AKAP7: variants seen among roughly 807,000 people sequenced by gnomAD.
The protein encoded by AKAP7 is A-kinase anchoring protein 7.
A neutral mutation model predicts 39.5 loss-of-function variants in AKAP7; 39 were observed. The ratio of observed to expected loss-of-function variants is 0.99; its 90% CI spans 0.76 to 1.29. The LOEUF (loss-of-function observed/expected upper bound fraction) is 1.29, where lower values mean the gene tolerates loss of function less well. Ranked by LOEUF, AKAP7 falls within the 50% of genes most tolerant of loss-of-function variation. The pLI, the probability that AKAP7 is intolerant of heterozygous loss-of-function variation, is 0.00. For synonymous variants in AKAP7, 140 were observed against 139.1 expected, an observed-to-expected ratio of 1.01 and a Z score of -0.05; for missense variants, 414 against 407.7, an observed-to-expected ratio of 1.02 and a Z score of -0.13.
intron 7 of AKAP7, among the ~76,000 whole-genome samples, chr6:131,264,574 A>AAAT (rs1813626636): frequency 6.7e-6 from 1 of 150,356 alleles, no homozygotes; most frequent in African/African-American, 2.5e-5. Context: ...GGAAGATCAT[A>AAAT]AATAAATAGC....
intron 7 of AKAP7, among the ~76,000 whole-genome samples, chr6:131,220,172 T>A (rs372224831): frequency 1.3e-5 from 2 of 152,214 alleles, no homozygotes; most frequent in Non-Finnish European, 2.9e-5. Context: ...TATTTGCTGC[T>A]TGTAATTACG....
intron 1 of AKAP7, among the ~76,000 whole-genome samples, chr6:131,138,332 A>G (rs1336552775): frequency 1.3e-5 from 2 of 152,210 alleles, no homozygotes; most frequent in South Asian, 2.1e-4. Flanking sequence ...TCCATTGTAT[A>G]TATGTACCAT....
At chr6:131,270,726 A>G (rs1284360556) in intron 7 of AKAP7, among the ~76,000 whole-genome samples, 1 of 152,184 alleles carries the variant, frequency 6.6e-6, no homozygotes, top group African/African-American at 2.4e-5. Context: ...CATCCTCACC[A>G]ACACTTAGTA....
At chr6:131,238,135 CT>C (rs1178889957) in intron 7 of AKAP7, among the ~76,000 whole-genome samples, 6 of 152,082 alleles carry the variant, frequency 3.9e-5, no homozygotes, top group African/African-American at 1.4e-4. Flanking sequence ...CAAAGAACAT[CT>C]TTATTTCTGC....
chr6:131,171,880 G>A lies in AKAP7; in HGVS notation c.589+2607G>A, dbSNP rs1161425162. Reference sequence around the variant, plus strand: ...CATTATTGGACGTACATTAGAAAAGGCAGTGAAGTCTGGATGGGACTAATA... The same window carrying A: ...CATTATTGGACGTACATTAGAAAAGACAGTGAAGTCTGGATGGGACTAATA... On this transcript the variant is annotated intron_variant, in intron 5 of 7. Transcript: ENST00000431975. 3.3e-5 allele frequency among the ~76,000 whole-genome samples: 5 copies of A among 152,184 alleles called. No individual in the cohort carries two copies. In the East Asian group the frequency reaches 7.7e-4, roughly 23 times the overall value.
the AKAP7 span, among the ~76,000 whole-genome samples, chr6:131,129,284 CAA>C: frequency 3.8e-5 from 5 of 130,922 alleles, no homozygotes; most frequent in Non-Finnish European, 3.2e-5. Flanking sequence ...AAGACTCTGT[CAA>C]AAAAAAAAAA....
At chr6:131,146,346 G>A (rs919742936) in intron 2 of AKAP7, among the ~76,000 whole-genome samples, 7 of 152,166 alleles carry the variant, frequency 4.6e-5, no homozygotes, top group African/African-American at 1.7e-4. Flanking sequence ...GGTGGCTCAT[G>A]CCTGTGTTCT....
chr6:131,130,534 T>G (rs613606), upstream of AKAP7, among the ~76,000 whole-genome samples: 140,954 of 152,290 alleles, frequency 0.93, 65,383 homozygotes, highest in East Asian at 0.99. Flanking sequence ...GACCTCAGGT[T>G]GTCCACCCGC....
In AKAP7 at chr6:131,218,575, T is replaced by TA. The variant is rs35708949; in HGVS notation, c.703-1085dup. Among the ~76,000 whole-genome samples the TA allele has an allele frequency of 7.4e-3, 1,121 of 152,284 alleles. 11 individuals carry two copies. The highest frequency in any genetic ancestry group is 0.026 in the African/African-American group (1,079 of 41,550). Reference sequence around the variant, plus strand: ...AGTTTTTGTCATTGAAAAGAGAAAATATATATTCTAGTTACTTTAATCTTA... The same window carrying TA: ...AGTTTTTGTCATTGAAAAGAGAAAATAATATATTCTAGTTACTTTAATCTTA... On this transcript the variant is annotated intron_variant, in intron 6 of 7. Coordinates refer to ENST00000431975, the MANE Select transcript of AKAP7 (RefSeq NM_016377.4).
chr6:131,180,864 G>A (rs1215479370), intron 5 of AKAP7, among the ~76,000 whole-genome samples: 1 of 142,104 alleles, frequency 7.0e-6, no homozygotes, highest in Admixed American at 7.1e-5. Flanking sequence ...TTCTCTCAAT[G>A]TATCTTCTCA....
upstream of AKAP7, among the ~76,000 whole-genome samples, chr6:131,134,054 C>T (rs1483118368): frequency 2.0e-5 from 3 of 152,174 alleles, no homozygotes; most frequent in African/African-American, 7.2e-5. Flanking sequence ...TCACTGCAAC[C>T]TCCACCTCCT....
chr6:131,184,326 C>T, intron 5 of AKAP7: 1 of 631,396 alleles, frequency 1.6e-6, no homozygotes, highest in Non-Finnish European at 3.1e-6. Flanking sequence ...GTGGCTATAT[C>T]AAGAGGAGTT....
At chr6:131,259,236 T>C (rs1249607609) in intron 7 of AKAP7, among the ~76,000 whole-genome samples, 1 of 152,176 alleles carries the variant, frequency 6.6e-6, no homozygotes, top group Non-Finnish European at 1.5e-5. Flanking sequence ...CAGGATTTGA[T>C]TGATAGCTGA....
At chr6:131,147,395 C>T (rs534852648) in intron 2 of AKAP7, among the ~76,000 whole-genome samples, 1 of 152,296 alleles carries the variant, frequency 6.6e-6, no homozygotes, top group South Asian at 2.1e-4. Context: ...CTTTCCCATT[C>T]CATAATCCAA....
intron 2 of AKAP7, 114 bp from the exon 3 acceptor site, chr6:131,159,945 A>C: frequency 9.9e-7 from 1 of 1,012,706 alleles, no homozygotes; most frequent in Non-Finnish European, 1.4e-6. Context: ...CCTGCTTTAG[A>C]TTTGAAAATG....
At chr6:131,270,664 G>A (rs947392841) in intron 7 of AKAP7, among the ~76,000 whole-genome samples, 2 of 152,130 alleles carry the variant, frequency 1.3e-5, no homozygotes, top group African/African-American at 4.8e-5. Flanking sequence ...TTTACCAAGT[G>A]GCTATTACCA....
rs950446593 is a variant in AKAP7, at chr6:131,280,805, C to A, written c.851-725C>A. 3.9e-5 allele frequency among the ~76,000 whole-genome samples: 6 copies of A among 152,114 alleles called. No individual in the cohort carries two copies. The East Asian group carries it at 5.8e-4, about 15-fold the overall frequency. On this transcript the variant is annotated intron_variant, in intron 7 of 7. Coordinates refer to ENST00000431975, the MANE Select transcript of AKAP7 (RefSeq NM_016377.4). ...GCATGAGAATAGTTGGGAACCAGCT[C>A]TTTTAGAATAAAATGAAAGATGGAA...
At chr6:131,268,669 C>T (rs1814017071) in intron 7 of AKAP7, among the ~76,000 whole-genome samples, 1 of 152,180 alleles carries the variant, frequency 6.6e-6, no homozygotes, top group South Asian at 2.1e-4. Context: ...ACATTGCCTT[C>T]AGAACAGGAA....
chr6:131,260,673 G>C (rs551191237), intron 7 of AKAP7, among the ~76,000 whole-genome samples: 374 of 152,008 alleles, frequency 2.5e-3, no homozygotes, highest in Non-Finnish European at 2.6e-3. Flanking sequence ...TTGTAAATTT[G>C]TTTAAGTTCT....
Sources: allele counts gnomAD v4.1 joint callset (sites outside exome capture counted in the v4.1 genomes callset), GRCh38; gene constraint gnomAD v4.1.1; transcripts MANE v1.5; gene names NCBI Gene and HGNC (gene_info 2026-07-23, HGNC 2026-07-21).